DCC: variants seen among roughly 807,000 people sequenced by gnomAD.
DCC encodes the protein DCC netrin 1 receptor.
Under a neutral mutation model 172.5 loss-of-function variants are expected in DCC, and 58 were observed. That is an observed-to-expected ratio of 0.34 (90% CI 0.27 to 0.42). The LOEUF (loss-of-function observed/expected upper bound fraction) is 0.42, where lower values mean the gene tolerates loss of function less well. Among genes scored for constraint, DCC ranks in the 10% least tolerant of loss-of-function variants. DCC has a pLI of 1.00. For missense variants in DCC, 1,740 were observed against 1,791.0 expected (o/e 0.97, Z 0.51); for synonymous variants, 709 against 644.5 (o/e 1.10, Z -1.52).
At chr18:53,022,734 G>C (rs2143926697) in intron 5 of DCC, among the ~76,000 whole-genome samples, 1 of 152,018 alleles carries the variant, frequency 6.6e-6, no homozygotes, top group East Asian at 1.9e-4. Flanking sequence ...GCAGAGAATT[G>C]TCAAAAGCAT....
intron 12 of DCC, among the ~76,000 whole-genome samples, chr18:53,261,087 C>T (rs2056592331): frequency 6.6e-6 from 1 of 152,152 alleles, no homozygotes; most frequent in Admixed American, 6.5e-5. Context: ...CCCGATTTTC[C>T]AGGTGCCATC....
chr18:53,079,349 A>C (rs1481824770), intron 7 of DCC, among the ~76,000 whole-genome samples: 1 of 152,128 alleles, frequency 6.6e-6, no homozygotes, highest in East Asian at 1.9e-4. Context: ...CAATTTTGAT[A>C]AAATATTTTA....
chr18:52,859,811 G>C lies in DCC; in HGVS notation c.413-46233G>C, dbSNP rs2039111314. ...GGGTAAATTATTTTGGTTTATTTCA[G>C]TTCCTACTTTGAAACTTCAAAAAAT... On this transcript the variant is annotated intron_variant, in intron 2 of 28. Coordinates refer to ENST00000442544, the MANE Select transcript of DCC (RefSeq NM_005215.4). Among the ~76,000 whole-genome samples the C allele has an allele frequency of 2.6e-5, 4 of 152,102 alleles. No homozygotes were observed. In the South Asian group the frequency reaches 8.3e-4, roughly 32 times the overall value.
intron 2 of DCC, among the ~76,000 whole-genome samples, chr18:52,888,607 G>A (rs1401677404): frequency 6.6e-6 from 1 of 151,832 alleles, no homozygotes; most frequent in Non-Finnish European, 1.5e-5. Flanking sequence ...ATTCTATAAA[G>A]GCAAAATACA....
intron 1 of DCC, among the ~76,000 whole-genome samples, chr18:52,591,499 A>T (rs540413463): frequency 9.2e-5 from 14 of 152,246 alleles, no homozygotes; most frequent in African/African-American, 3.1e-4. Context: ...GTCATTGTTT[A>T]TGCCCTCCTG....
At chr18:53,228,173 T>G (rs1230216221) in intron 12 of DCC, among the ~76,000 whole-genome samples, 3 of 152,168 alleles carry the variant, frequency 2.0e-5, no homozygotes, top group Non-Finnish European at 4.4e-5. Context: ...GAAAATACAT[T>G]TGTGTTTCTT....
chr18:52,946,646 G>A (rs976194667), intron 5 of DCC, among the ~76,000 whole-genome samples: 2 of 152,146 alleles, frequency 1.3e-5, no homozygotes, highest in African/African-American at 4.8e-5. Context: ...ATTCAAGGGA[G>A]AAAGCTCCAC....
chr18:52,617,894 C>T (rs1334398681), intron 1 of DCC, among the ~76,000 whole-genome samples: 1 of 152,122 alleles, frequency 6.6e-6, no homozygotes, highest in African/African-American at 2.4e-5. Context: ...CCTGCCAGAT[C>T]AAGTAACTTC....
intron 16 of DCC, among the ~76,000 whole-genome samples, chr18:53,386,897 C>T (rs1908206084): frequency 6.6e-6 from 1 of 152,174 alleles, no homozygotes; most frequent in African/African-American, 2.4e-5. Flanking sequence ...TAGGGCTATT[C>T]AGAGTCCCTG....
chr18:53,163,717 A>G (rs778436330), intron 8 of DCC, among the ~76,000 whole-genome samples: 1 of 152,192 alleles, frequency 6.6e-6, no homozygotes, highest in Non-Finnish European at 1.5e-5. Context: ...GCTAGAATTC[A>G]CAGTGAAGTA....
intron 9 of DCC, among the ~76,000 whole-genome samples, chr18:53,186,500 A>T (rs1164226886): frequency 6.6e-6 from 1 of 152,162 alleles, no homozygotes; most frequent in Admixed American, 6.5e-5. Flanking sequence ...GCTTTAGGCA[A>T]CCGCTTTGAT....
intron 2 of DCC, among the ~76,000 whole-genome samples, chr18:52,893,462 T>A (rs1185616727): frequency 6.6e-6 from 1 of 152,202 alleles, no homozygotes; most frequent in African/African-American, 2.4e-5. Context: ...TTGGGTAACA[T>A]GCTCAATTAA....
intron 2 of DCC, among the ~76,000 whole-genome samples, chr18:52,815,238 C>T (rs1324369449): frequency 6.6e-6 from 1 of 152,082 alleles, no homozygotes; most frequent in African/African-American, 2.4e-5. Context: ...CCTCAAAATA[C>T]ATGTGTTGAA....
chr18:52,497,100 A>T (rs984715922), intron 1 of DCC, among the ~76,000 whole-genome samples: 40 of 149,520 alleles, frequency 2.7e-4, no homozygotes, highest in African/African-American at 9.3e-4. Flanking sequence ...ACAGAAAATT[A>T]AAAAAAAATA....
intron 2 of DCC, among the ~76,000 whole-genome samples, chr18:52,816,399 G>A (rs542190600): frequency 1.3e-5 from 2 of 152,250 alleles, no homozygotes; most frequent in African/African-American, 2.4e-5. Flanking sequence ...GAATGTTCCC[G>A]GCAAGAAAGT....
chr18:53,345,073 A>G (rs2057707929), intron 15 of DCC, among the ~76,000 whole-genome samples: 1 of 151,754 alleles, frequency 6.6e-6, no homozygotes, highest in African/African-American at 2.4e-5. Flanking sequence ...ACAAATAAAC[A>G]TAGCTGTGTC....
intron 1 of DCC, among the ~76,000 whole-genome samples, chr18:52,544,793 C>T (rs184608969): frequency 6.6e-6 from 1 of 152,014 alleles, no homozygotes; most frequent in Non-Finnish European, 1.5e-5. Flanking sequence ...AAAAAATACC[C>T]CCTTAGTTTG....
chr18:52,602,851 T>A (rs989104081), intron 1 of DCC, among the ~76,000 whole-genome samples: 4 of 152,090 alleles, frequency 2.6e-5, no homozygotes, highest in African/African-American at 9.7e-5. Flanking sequence ...TAAAATTGCT[T>A]TGCACAATTA....
At chr18:52,825,960 C>G (rs1425990648) in intron 2 of DCC, among the ~76,000 whole-genome samples, 2 of 152,200 alleles carry the variant, frequency 1.3e-5, no homozygotes, top group Non-Finnish European at 2.9e-5. Flanking sequence ...AATATTGTTA[C>G]AGGAAATCCA....
Sources: allele counts gnomAD v4.1 joint callset (sites outside exome capture counted in the v4.1 genomes callset), GRCh38; gene constraint gnomAD v4.1.1; transcripts MANE v1.5; gene names NCBI Gene and HGNC (gene_info 2026-07-23, HGNC 2026-07-21).